CRMP1: variants seen among roughly 807,000 people sequenced by gnomAD.
CRMP1 encodes the protein collapsin response mediator protein 1, also known as dihydropyrimidinase-related protein 1.
CRMP1 carries 19 observed loss-of-function variants against 68.3 expected under a neutral mutation model. The observed-to-expected ratio is 0.28, with a 90% CI of 0.19 to 0.41. CRMP1 has a LOEUF of 0.41. Ranked by LOEUF, CRMP1 falls within the 10% of genes least tolerant of loss-of-function variation. The probability of loss-of-function intolerance (pLI) is 1.00; values close to 1 mark genes in which losing one functional copy is unlikely to be tolerated. For synonymous variants in CRMP1, 439 were observed against 399.6 expected (o/e 1.10, Z -1.18); for missense variants, 791 against 967.4 (o/e 0.82, Z 2.42).
intron 11 of CRMP1, among the ~76,000 whole-genome samples, chr4:5,835,529 C>T (rs934360182): frequency 7.2e-5 from 11 of 152,202 alleles, no homozygotes; most frequent in African/African-American, 2.4e-4. Flanking sequence ...GGGAGGTTTC[C>T]GACATACCAA....
chr4:5,826,020 TAAATC>T (rs1368714291), intron 12 of CRMP1: 2 of 307,752 alleles, frequency 6.5e-6, no homozygotes, highest in Non-Finnish European at 1.2e-5. Context: ...CACACACACT[TAAATC>T]ACATACAGAT....
In CRMP1 at chr4:5,889,599, G is replaced by T; in HGVS notation, c.381+2990C>A. On this transcript the variant is annotated intron_variant, in intron 1 of 13. Transcript: ENST00000324989. This position sits in a 1 kb window ranked among gnomAD's most constrained non-coding sequence, Gnocchi z 4.5. ...CAACCTCACTGGACAGGTGCCCCAA[G>T]TTCCCAGGCAGAATAAAACACCAAC... 1 of 1,536,172 alleles carries T rather than the reference G, an allele frequency of 6.5e-7. No individual in the cohort carries two copies.
At chr4:5,822,318 C>A (rs1007001441) in intron 13 of CRMP1, among the ~76,000 whole-genome samples, 6 of 152,278 alleles carry the variant, frequency 3.9e-5, no homozygotes, top group Admixed American at 3.9e-4. Flanking sequence ...AGGATTGAAG[C>A]CCAAACTGGT....
At chr4:5,845,211 C>T (rs1712101772) in intron 6 of CRMP1, among the ~76,000 whole-genome samples, 1 of 152,194 alleles carries the variant, frequency 6.6e-6, no homozygotes, top group South Asian at 2.1e-4. Flanking sequence ...CTTTTCAAGG[C>T]CCTGCAGGGT....
chr4:5,832,803 T>C (rs369779337), intron 11 of CRMP1, among the ~76,000 whole-genome samples: 6 of 152,206 alleles, frequency 3.9e-5, no homozygotes, highest in African/African-American at 9.7e-5. Flanking sequence ...CATATTGTTA[T>C]GGGTTGAATC....
intron 8 of CRMP1, 135 bp from the exon 9 acceptor site, chr4:5,839,813 G>C (rs907122327): frequency 1.9e-6 from 2 of 1,065,658 alleles, no homozygotes; most frequent in Non-Finnish European, 2.6e-6. Context: ...CGTTCTTGCA[G>C]GCATCACCGC....
At chr4:5,874,273 G>C (rs1235850039) in intron 1 of CRMP1, among the ~76,000 whole-genome samples, 2 of 152,180 alleles carry the variant, frequency 1.3e-5, no homozygotes, top group East Asian at 3.8e-4. Flanking sequence ...ATATCTTCCA[G>C]GAAGTTTTAA....
Position 5,891,042 on chromosome 4 carries a change from G to C in CRMP1, c.381+1547C>G, listed in dbSNP as rs758049597. On this transcript the variant is annotated intron_variant, in intron 1 of 13. Coordinates refer to ENST00000324989, the MANE Select transcript of CRMP1 (RefSeq NM_001014809.3). The surrounding 1 kb of genome is among the most constrained non-coding windows in gnomAD (Gnocchi z 5.2). ...CCAGAAGCCTCCCCATCGGGCTCGG[G>C]AGTTTGGATCCCAAGAGAGGTCGGA... is the stretch of plus-strand genomic sequence containing the variant. 3.3e-5 allele frequency among the ~76,000 whole-genome samples: 5 copies of C among 152,030 alleles called. No individual in the cohort carries two copies. Among genetic ancestry groups the C allele is most frequent in the Non-Finnish European group, 7.4e-5 (5 of 68,002 alleles).
rs1711895953 is a variant in CRMP1 at position 5,842,935 on chromosome 4, TC to T, written c.1032+157del. On this transcript the variant is annotated intron_variant, in intron 7 of 13. Coordinates refer to ENST00000324989, the MANE Select transcript of CRMP1 (RefSeq NM_001014809.3). The surrounding 1 kb of genome is among the most constrained non-coding windows in gnomAD (Gnocchi z 4.5). ...TCTTCCTGTCTTCTCCAGCCAGCAG[TC>T]CCCAGGGTTCCCGGGGAAAACAAGA... Among the ~76,000 whole-genome samples the T allele has an allele frequency of 6.6e-6, 1 of 151,854 alleles. No individual in the cohort carries two copies. Among genetic ancestry groups the T allele is most frequent in the African/African-American group, 2.4e-5 (1 of 41,276 alleles).
chr4:5,827,650 A>C (rs1267330130), intron 12 of CRMP1, among the ~76,000 whole-genome samples: 2 of 151,910 alleles, frequency 1.3e-5, no homozygotes, highest in Admixed American at 1.3e-4. Flanking sequence ...ACACGCACAC[A>C]CATCCCCATA....
Position 5,889,935 on chromosome 4 carries a change from G to A in CRMP1, c.381+2654C>T. ...CATAATTTTCCCATTTTACAGACAG[G>A]AAATTGAGGCTTACAGAGGTAAAAT... On this transcript the variant is annotated intron_variant, in intron 1 of 13. Coordinates refer to ENST00000324989, the MANE Select transcript of CRMP1 (RefSeq NM_001014809.3). This position sits in a 1 kb window ranked among gnomAD's most constrained non-coding sequence, Gnocchi z 4.5. The A allele has an allele frequency of 7.3e-7, 1 of 1,365,794 alleles. No homozygotes were observed. The highest frequency in any genetic ancestry group is 9.5e-7 in the Non-Finnish European group (1 of 1,056,352). 84.6% of individuals were successfully genotyped at this position (1,365,794 alleles called of 1,614,324 possible).
At position 5,838,469 on chromosome 4, in the gene CRMP1, T is replaced by A. The variant is rs1019454631; in HGVS notation, c.1310+1053A>T. ...AGGGTGGGGTGGGCCCGTGTGGAAA[T>A]AGAAAGTCTTGGTCGGAAGCCAGGG... On this transcript the variant is annotated intron_variant, in intron 9 of 13. Coordinates refer to ENST00000324989, the MANE Select transcript of CRMP1 (RefSeq NM_001014809.3). This position sits in a 1 kb window ranked among gnomAD's most constrained non-coding sequence, Gnocchi z 4.9. Among the ~76,000 whole-genome samples the A allele has an allele frequency of 6.6e-6, 1 of 151,976 alleles. No homozygotes were observed. The highest frequency in any genetic ancestry group is 1.5e-5 in the Non-Finnish European group (1 of 68,000).
chr4:5,893,075 G>T lies in CRMP1; in HGVS notation c.-106C>A. On this transcript the variant is annotated 5_prime_UTR_variant, in exon 1 of 14. Transcript: ENST00000324989. The stretch of plus-strand genomic sequence containing the variant: ...CCTCGGTGCGGGCCTGCGGCGGCCC[G>T]GGCGCGACTGCGGCCCAGGGAGGGG... The T allele has an allele frequency of 1.3e-6, 1 of 780,730 alleles. No individual in the cohort carries two copies. Among genetic ancestry groups the T allele is most frequent in the Non-Finnish European group, 1.6e-6 (1 of 644,596 alleles). 48.4% of individuals were successfully genotyped at this position (780,730 alleles called of 1,614,324 possible).
chr4:5,824,995 T>C, intron 13 of CRMP1: 1 of 985,444 alleles, frequency 1.0e-6, no homozygotes, highest in Non-Finnish European at 1.2e-6. Context: ...GGGGCTTCCG[T>C]TTCCTCTTTA....
chr4:5,884,229 A>G lies in CRMP1; in HGVS notation c.381+8360T>C, dbSNP rs115205355. On this transcript the variant is annotated intron_variant, in intron 1 of 13. Coordinates refer to ENST00000324989, the MANE Select transcript of CRMP1 (RefSeq NM_001014809.3). Reference sequence around the variant, plus strand: ...TGTAAAAAGGCAGGGAATCAACTGGATATCCATAGATAGGCTGAATGTCAC... The same window carrying G: ...TGTAAAAAGGCAGGGAATCAACTGGGTATCCATAGATAGGCTGAATGTCAC... Among the ~76,000 whole-genome samples the G allele has an allele frequency of 1.9e-3, 286 of 152,360 alleles. 3 individuals carry two copies. The highest frequency in any genetic ancestry group is 6.8e-3 in the Middle Eastern group (2 of 294).
chr4:5,864,373 A>C (rs575436806), intron 2 of CRMP1, among the ~76,000 whole-genome samples: 8 of 152,188 alleles, frequency 5.3e-5, no homozygotes, highest in African/African-American at 1.9e-4. Flanking sequence ...CTCTCTATCT[A>C]AGCCATGGTT....
chr4:5,853,482 C>T lies in CRMP1; in HGVS notation c.821-2013G>A, dbSNP rs745351939. Among the ~76,000 whole-genome samples the T allele has an allele frequency of 6.6e-5, 10 of 152,098 alleles. No individual in the cohort carries two copies. Among genetic ancestry groups the T allele is most frequent in the Non-Finnish European group, 1.2e-4 (8 of 68,026 alleles). On this transcript the variant is annotated intron_variant, in intron 4 of 13. Coordinates refer to ENST00000324989, the MANE Select transcript of CRMP1 (RefSeq NM_001014809.3). The surrounding 1 kb of genome is among the most constrained non-coding windows in gnomAD (Gnocchi z 4.7). ...TGGAGAAAAGGCAATTCCTGAGCAC[C>T]GTTTGTGGGAATGTAAATTAGCACA...
In CRMP1 at chr4:5,839,536, G is replaced by A; in HGVS notation, c.1296C>T (p.Thr432=). ...SPDPTTPDYL[T]SLLACGDLQV... ...ACAGGTCTCACCAGGCCAGTAGGGA[G>A]GTCAAGTAGTCGGGCGTGGTAGGGT... Residue 432 remains threonine, a synonymous_variant, in exon 9 of 14, where the codon ACC becomes ACT. Coordinates refer to ENST00000324989, the MANE Select transcript of CRMP1 (RefSeq NM_001014809.3). 1 of 1,609,890 alleles carries A rather than the reference G, an allele frequency of 6.2e-7. No individual in the cohort carries two copies. Among genetic ancestry groups the A allele is most frequent in the Non-Finnish European group, 8.5e-7 (1 of 1,178,274 alleles).
At chr4:5,869,681 CA>C (rs33973891) in intron 1 of CRMP1, among the ~76,000 whole-genome samples, 45,395 of 92,478 alleles carry the variant, frequency 0.49, 8,596 homozygotes, top group East Asian at 0.69. Context: ...AAGACTCCGT[CA>C]AAAAAAAAAA....
Sources: allele counts gnomAD v4.1 joint callset (sites outside exome capture counted in the v4.1 genomes callset), GRCh38; gene constraint gnomAD v4.1.1; non-coding constraint Gnocchi (gnomAD v3.1); transcripts MANE v1.5; gene names NCBI Gene and HGNC (gene_info 2026-07-23, HGNC 2026-07-21).